Variants in LIN28B observed in about 807,000 individuals in gnomAD.
The protein encoded by LIN28B is lin-28 RNA binding posttranscriptional regulator B, also known as protein lin-28 homolog B.
In LIN28B, 5 loss-of-function variants were observed where a neutral mutation model predicts 21.9. The ratio of observed to expected loss-of-function variants is 0.23; its 90% confidence interval spans 0.12 to 0.48. The LOEUF (loss-of-function observed/expected upper bound fraction) is 0.48. Among genes scored for constraint, LIN28B ranks in the 20% least tolerant of loss-of-function variants. The probability of loss-of-function intolerance (pLI) is 0.98; values close to 1 mark genes in which losing one functional copy is unlikely to be tolerated. For missense variants in LIN28B, 245 were observed against 310.5 expected (o/e 0.79, Z 1.58); for synonymous variants, 109 against 111.3 (o/e 0.98, Z 0.13).
At chr6:104,956,301 C>T (rs1024864864), upstream of LIN28B, among the ~76,000 whole-genome samples, 2 of 152,078 alleles carry the variant, frequency 1.3e-5, no homozygotes, top group Non-Finnish European at 2.9e-5. Flanking sequence ...GAGGTTCACT[C>T]TATGTTAGGC....
chr6:104,984,644 C>G (rs1582878660), intron 2 of LIN28B, among the ~76,000 whole-genome samples: 1 of 152,004 alleles, frequency 6.6e-6, no homozygotes, highest in East Asian at 1.9e-4. Context: ...TTATGTTGAC[C>G]AGGCTGGTCT....
intron 3 of LIN28B, among the ~76,000 whole-genome samples, chr6:105,039,371 A>G (rs1445336184): frequency 1.3e-5 from 2 of 152,236 alleles, no homozygotes; most frequent in African/African-American, 4.8e-5. Flanking sequence ...TTTAAATTAT[A>G]GTATATTCTT....
At chr6:105,048,909 T>A (rs528549395) in intron 3 of LIN28B, among the ~76,000 whole-genome samples, 3 of 152,286 alleles carry the variant, frequency 2.0e-5, no homozygotes, top group South Asian at 2.1e-4. Context: ...TTCTCTCTTT[T>A]CTTCTTTATT....
rs201255061 is a variant in LIN28B at position 104,987,496 on chromosome 6, G to A, written c.198+29210G>A. ...GTAGCTGGGACTACAGGCTCACACC[G>A]CTATGCCCAGCCAAATTTTTTTATT... is the stretch of plus-strand genomic sequence containing the variant. On this transcript the variant is annotated intron_variant, in intron 2 of 3. Coordinates refer to ENST00000345080, the MANE Select transcript of LIN28B (RefSeq NM_001004317.4). Among the ~76,000 whole-genome samples the A allele has an allele frequency of 3.9e-5, 6 of 152,030 alleles. No individual in the cohort carries two copies. In the East Asian group the frequency reaches 7.7e-4, roughly 20 times the overall value.
chr6:105,057,401 T>C (rs1772041065), intron 3 of LIN28B, among the ~76,000 whole-genome samples: 1 of 152,242 alleles, frequency 6.6e-6, no homozygotes, highest in African/African-American at 2.4e-5. Flanking sequence ...GGAAATTATT[T>C]GGCTCCTACA....
chr6:104,989,684 C>T (rs995962363), intron 2 of LIN28B, among the ~76,000 whole-genome samples: 2 of 111,510 alleles, frequency 1.8e-5, no homozygotes, highest in Non-Finnish European at 4.1e-5. Context: ...GCCTCTGCCT[C>T]GCAGTCTCAA....
At chr6:105,068,747 A>G (rs1291171823) in intron 3 of LIN28B, among the ~76,000 whole-genome samples, 10 of 152,144 alleles carry the variant, frequency 6.6e-5, no homozygotes, top group Non-Finnish European at 1.5e-4. Context: ...TCTTTTATGG[A>G]CTTCCTTTTC....
At chr6:105,042,753 C>T (rs1771662409) in intron 3 of LIN28B, among the ~76,000 whole-genome samples, 1 of 152,068 alleles carries the variant, frequency 6.6e-6, no homozygotes, top group Non-Finnish European at 1.5e-5. Flanking sequence ...CAGTGGGAGC[C>T]AGGTTTTCTA....
At chr6:104,993,563 C>T (rs1187294721) in intron 2 of LIN28B, among the ~76,000 whole-genome samples, 7 of 151,958 alleles carry the variant, frequency 4.6e-5, no homozygotes, top group African/African-American at 1.4e-4. Context: ...TGGCTGGGGG[C>T]GGTGGCTTAG....
chr6:105,012,639 G>T (rs996551735), intron 2 of LIN28B, among the ~76,000 whole-genome samples: 2 of 152,124 alleles, frequency 1.3e-5, no homozygotes, highest in Admixed American at 1.3e-4. Context: ...CAACTATTAT[G>T]ATGTGTATCC....
intron 2 of LIN28B, among the ~76,000 whole-genome samples, chr6:104,974,467 C>T (rs528314189): frequency 7.2e-4 from 100 of 138,870 alleles, no homozygotes; most frequent in African/African-American, 2.7e-3. Context: ...CCAGCTTGGG[C>T]GACACAGCAA....
At chr6:104,972,071 A>G (rs1261133256) in intron 2 of LIN28B, among the ~76,000 whole-genome samples, 1 of 152,132 alleles carries the variant, frequency 6.6e-6, no homozygotes, top group Non-Finnish European at 1.5e-5. Flanking sequence ...CCTGGGTTCA[A>G]GTGATTCTCA....
At chr6:105,008,765 A>T (rs558382240) in intron 2 of LIN28B, among the ~76,000 whole-genome samples, 89 of 152,266 alleles carry the variant, frequency 5.8e-4, no homozygotes, top group Non-Finnish European at 1.1e-3. Flanking sequence ...GAAGAATGCA[A>T]TGTTGCTAAT....
At chr6:105,040,124 T>A (rs1300409423) in intron 3 of LIN28B, among the ~76,000 whole-genome samples, 1 of 152,176 alleles carries the variant, frequency 6.6e-6, no homozygotes, top group African/African-American at 2.4e-5. Flanking sequence ...TTTCAGCATC[T>A]CTCGACATAA....
Position 105,026,516 on chromosome 6 carries a change from A to G in LIN28B, c.383+34A>G, listed in dbSNP as rs764714476. ...TTTTACTTTGTTAATTTATCAGTTT[A>G]TTGTGTTTGGAAAGGATTTCTGAAA... On this transcript the variant is annotated intron_variant, in intron 3 of 3. Coordinates refer to ENST00000345080, the MANE Select transcript of LIN28B (RefSeq NM_001004317.4). The G allele has an allele frequency of 7.2e-6, 10 of 1,384,094 alleles. No individual in the cohort carries two copies. In the South Asian group the frequency reaches 1.2e-4, roughly 17 times the overall value. 85.7% of individuals were successfully genotyped at this position (1,384,094 alleles called of 1,614,324 possible). A position where few individuals can be genotyped will look rare whatever the true frequency, so the allele number is the denominator to read the frequency against.
At chr6:104,950,883 G>A (rs1778213394) in intron 3 of LIN28B, among the ~76,000 whole-genome samples, 2 of 152,120 alleles carry the variant, frequency 1.3e-5, no homozygotes, top group African/African-American at 4.8e-5. Context: ...AGTAAAATAT[G>A]CACTAACGAA....
At chr6:105,075,442 TAGTA>T (rs1562115706) in intron 3 of LIN28B, among the ~76,000 whole-genome samples, 1 of 152,168 alleles carries the variant, frequency 6.6e-6, no homozygotes, top group African/African-American at 2.4e-5. Flanking sequence ...TCTGTACTCT[TAGTA>T]AGAGTGATTG....
Position 104,957,188 on chromosome 6 carries a change from C to A in LIN28B, c.-63C>A. ...AAGATGTTAGATTGATGCAGAAGAT[C>A]ACTCCGTTCCAAAGGGAAAGTTTTC... On this transcript the variant is annotated 5_prime_UTR_variant, in exon 1 of 4. Coordinates refer to ENST00000345080, the MANE Select transcript of LIN28B (RefSeq NM_001004317.4). The A allele has an allele frequency of 6.2e-7, 1 of 1,613,828 alleles. No individual in the cohort carries two copies. Among genetic ancestry groups the A allele is most frequent in the Non-Finnish European group, 8.5e-7 (1 of 1,179,780 alleles).
chr6:105,008,241 T>C (rs1770854125), intron 2 of LIN28B, among the ~76,000 whole-genome samples: 1 of 152,216 alleles, frequency 6.6e-6, no homozygotes, highest in African/African-American at 2.4e-5. Context: ...GGAATTATTT[T>C]CATTCTGTGT....
Sources: gnomAD v4.1 joint callset for allele counts (sites outside exome capture counted in the v4.1 genomes callset) on GRCh38, gnomAD v4.1.1 for gene constraint, MANE v1.5 for transcripts, NCBI Gene and HGNC (gene_info 2026-07-23, HGNC 2026-07-21) for gene names.